MINK1: variants seen among roughly 807,000 people sequenced by gnomAD.
MINK1 encodes the protein misshapen like kinase 1.
MINK1 carries 46 observed loss-of-function variants against 178.4 expected under a neutral mutation model. That is an observed-to-expected ratio of 0.26 (90% CI 0.20 to 0.33). MINK1 has a LOEUF of 0.33. Among genes scored for constraint, MINK1 ranks in the 10% least tolerant of loss-of-function variants. The pLI, the probability that MINK1 is intolerant of heterozygous loss-of-function variation, is 1.00. For missense variants in MINK1, 1,366 were observed against 1,814.9 expected, an observed-to-expected ratio of 0.75 and a Z score of 4.49; for synonymous variants, 797 against 709.7, an observed-to-expected ratio of 1.12 and a Z score of -1.96.
At chr17:4,879,039 G>T (rs950512674) in intron 2 of MINK1, among the ~76,000 whole-genome samples, 3 of 151,662 alleles carry the variant, frequency 2.0e-5, no homozygotes, top group African/African-American at 7.3e-5. Flanking sequence ...TGTGGGAGCC[G>T]CTGCAGCAGG....
rs1969268195 is a variant in MINK1 at position 4,894,776 on chromosome 17, G to A, written c.2917+143G>A. 1 of 685,510 alleles carries A rather than the reference G, an allele frequency of 1.5e-6. No individual in the cohort carries two copies. Among genetic ancestry groups the A allele is most frequent in the Admixed American group, 2.5e-5 (1 of 39,512 alleles). 42.5% of individuals were successfully genotyped at this position (685,510 alleles called of 1,614,324 possible). The stretch of plus-strand genomic sequence containing the variant: ...CCCTAGCACCTGCCTGGGCACAGAG[G>A]CAAGGAAGAGCCTCTGAGACCCCTC... On this transcript the variant is annotated intron_variant, in intron 24 of 31. Coordinates refer to ENST00000355280, the MANE Select transcript of MINK1 (RefSeq NM_153827.5). This position sits in a 1 kb window ranked among gnomAD's most constrained non-coding sequence, Gnocchi z 4.1.
intron 1 of MINK1, among the ~76,000 whole-genome samples, chr17:4,870,056 C>T (rs1040774818): frequency 2.6e-5 from 4 of 151,194 alleles, no homozygotes; most frequent in Non-Finnish European, 4.4e-5. Context: ...TACAGGCACC[C>T]GCCATCATGC....
intron 1 of MINK1, among the ~76,000 whole-genome samples, chr17:4,870,565 CT>C: frequency 1.3e-5 from 2 of 152,016 alleles, no homozygotes; most frequent in African/African-American, 4.8e-5. Context: ...TGGCTCATGC[CT>C]GTAATGCCAG....
intron 1 of MINK1, chr17:4,874,973 A>G: frequency 4.0e-6 from 2 of 494,680 alleles, no homozygotes; most frequent in South Asian, 2.9e-5. Flanking sequence ...TGGCTCTAAC[A>G]GGCCCACGGT....
intron 1 of MINK1, among the ~76,000 whole-genome samples, chr17:4,841,550 G>A (rs1380271571): frequency 6.7e-6 from 1 of 148,308 alleles, no homozygotes; most frequent in Non-Finnish European, 1.5e-5. Context: ...AGCCTTTACT[G>A]ATCACATCAT....
chr17:4,894,674 AG>A lies in MINK1; in HGVS notation c.2917+45del. 6.7e-7 allele frequency: 1 copy of A among 1,493,532 alleles called. No homozygotes were observed. 92.5% of individuals were successfully genotyped at this position (1,493,532 alleles called of 1,614,324 possible). A position where few individuals can be genotyped will look rare whatever the true frequency, so the allele number is the denominator to read the frequency against. Reference sequence around the variant, plus strand: ...CAGACCTGCTGTGAGGCCAGGGTCCAGGGGCAGCCTGGAGGGGAGCACAGTG... The same window carrying A: ...CAGACCTGCTGTGAGGCCAGGGTCCAGGGCAGCCTGGAGGGGAGCACAGTG... On this transcript the variant is annotated intron_variant, in intron 24 of 31. Coordinates refer to ENST00000355280, the MANE Select transcript of MINK1 (RefSeq NM_153827.5). The surrounding 1 kb of genome is among the most constrained non-coding windows in gnomAD (Gnocchi z 4.1).
chr17:4,868,904 C>A, intron 1 of MINK1: 1 of 254,152 alleles, frequency 3.9e-6, no homozygotes, highest in Admixed American at 5.4e-5. Flanking sequence ...TGCACACTGC[C>A]ACACCTGGCT....
chr17:4,891,200 G>GCGCGCACGCACACACA, intron 15 of MINK1, 76 bp downstream of exon 15: 1 of 1,003,382 alleles, frequency 1.0e-6, no homozygotes, highest in Non-Finnish European at 1.4e-6. Context: ...ACACACGCGC[G>GCGCGCACGCACACACA]CACACACACA....
chr17:4,887,285 A>T lies in MINK1; in HGVS notation c.1019+106A>T. 8.2e-7 allele frequency: 1 copy of T among 1,213,740 alleles called. No homozygotes were observed. Among genetic ancestry groups the T allele is most frequent in the Non-Finnish European group, 1.2e-6 (1 of 848,736 alleles). The allele number at this position is 1,213,740 out of a possible 1,614,324, so 75.2% of individuals were successfully genotyped here. ...CTCAGCCTGGGGGTGGTGGGCACAG[A>T]GAGGTAGAGACTCCTGGAAACCAAA... On this transcript the variant is annotated intron_variant, in intron 11 of 31. Coordinates refer to ENST00000355280, the MANE Select transcript of MINK1 (RefSeq NM_153827.5). The surrounding 1 kb of genome is among the most constrained non-coding windows in gnomAD (Gnocchi z 7.6).
intron 1 of MINK1, among the ~76,000 whole-genome samples, chr17:4,870,532 A>G (rs572812717): frequency 6.6e-6 from 1 of 152,290 alleles, no homozygotes; most frequent in East Asian, 1.9e-4. Flanking sequence ...TTACCCTTTT[A>G]AAATATTTTA....
Position 4,896,032 on chromosome 17 carries a change from A to G in MINK1, c.3394A>G (p.Ile1132Val). 1 of 1,604,360 alleles carries G rather than the reference A, an allele frequency of 6.2e-7. No individual in the cohort carries two copies. Among genetic ancestry groups the G allele is most frequent in the Non-Finnish European group, 8.5e-7 (1 of 1,175,422 alleles). ...ATACGAGCGGATTAAGTTCCTGGTCATCGCCCTCAAGAGCTCCGTGGAGGT... is the reference window on the plus strand; with the variant it reads ...ATACGAGCGGATTAAGTTCCTGGTCGTCGCCCTCAAGAGCTCCGTGGAGGT... ...VKYERIKFLV[I>V]ALKSSVEVYA... Residue 1132 changes from isoleucine (I) to valine (V), a missense_variant, in exon 28 of 32, where the codon ATC becomes GTC. Physicochemically the swap from Ile to Val is conservative, Grantham distance 29. This residue lies in a region of MINK1 where 77 missense variants were observed against 119.5 expected (regional missense o/e 0.64). Transcript: ENST00000355280. This position sits in a 1 kb window ranked among gnomAD's most constrained non-coding sequence, Gnocchi z 4.6.
rs1409130897 is a variant in MINK1 at position 4,872,189 on chromosome 17, G to A, written c.58-6128G>A. 3.3e-5 allele frequency among the ~76,000 whole-genome samples: 5 copies of A among 152,168 alleles called. No homozygotes were observed. The South Asian group carries it at 6.2e-4, about 19-fold the overall frequency. On this transcript the variant is annotated intron_variant, in intron 1 of 31. Coordinates refer to ENST00000355280, the MANE Select transcript of MINK1 (RefSeq NM_153827.5). The stretch of plus-strand genomic sequence containing the variant: ...TACTAAAATACAAAAAATTAGCCAA[G>A]TGTGGTGGCAGGCAGCTGTAATCCC...
In MINK1 at chr17:4,896,920, G is replaced by T. The variant is rs576549700; in HGVS notation, c.3915+107G>T. Reference sequence around the variant, plus strand: ...ATGGTGGTGGTGGCTTCCTGAAAGCGGGCCCCTCTGGGAGCTCAGAGGGCA... The same window carrying T: ...ATGGTGGTGGTGGCTTCCTGAAAGCTGGCCCCTCTGGGAGCTCAGAGGGCA... On this transcript the variant is annotated intron_variant, in intron 31 of 31. Transcript: ENST00000355280. The surrounding 1 kb of genome is among the most constrained non-coding windows in gnomAD (Gnocchi z 4.6). The T allele has an allele frequency of 7.1e-7, 1 of 1,408,870 alleles. No individual in the cohort carries two copies. The highest frequency in any genetic ancestry group is 1.4e-5 in the African/African-American group (1 of 69,116). The allele number at this position is 1,408,870 out of a possible 1,614,324, so 87.3% of individuals were successfully genotyped here.
intron 1 of MINK1, among the ~76,000 whole-genome samples, chr17:4,835,563 G>A (rs142149327): frequency 3.3e-5 from 5 of 152,160 alleles, no homozygotes; most frequent in Admixed American, 1.3e-4. Context: ...GGAGGTGGAG[G>A]TTGCAGTGAG....
chr17:4,857,249 C>G (rs890458562), intron 1 of MINK1: 21 of 246,124 alleles, frequency 8.5e-5, no homozygotes, highest in Middle Eastern at 7.2e-4. Flanking sequence ...ACATGACAGA[C>G]ATGGCCATGA....
At chr17:4,891,198 G>GTGCACACACA in intron 15 of MINK1, 74 bp downstream of exon 15, 1 of 1,129,366 alleles carries the variant, frequency 8.9e-7, no homozygotes. Context: ...ACACACACGC[G>GTGCACACACA]CGCACACACA....
chr17:4,895,610 G>A lies in MINK1; in HGVS notation c.3230-88G>A. On this transcript the variant is annotated intron_variant, in intron 26 of 31. Transcript: ENST00000355280. This position sits in a 1 kb window ranked among gnomAD's most constrained non-coding sequence, Gnocchi z 4.3. ...GTGGGGCCACACTTTCTCACCCCTT[G>A]TGGTATGCTGACAGAGGAGGCCAGG... is the stretch of plus-strand genomic sequence containing the variant. 6.4e-7 allele frequency: 1 copy of A among 1,562,980 alleles called. No homozygotes were observed. The highest frequency in any genetic ancestry group is 1.2e-5 in the South Asian group (1 of 84,044).
intron 1 of MINK1, among the ~76,000 whole-genome samples, chr17:4,851,385 C>G (rs1291384523): frequency 6.6e-6 from 1 of 152,146 alleles, no homozygotes; most frequent in Non-Finnish European, 1.5e-5. Flanking sequence ...GCAGTAAACA[C>G]TAAGCACCAT....
chr17:4,887,937 G>C lies in MINK1; in HGVS notation c.1230+147G>C. 1.4e-6 allele frequency: 1 copy of C among 714,908 alleles called. No individual in the cohort carries two copies. The highest frequency in any genetic ancestry group is 2.1e-6 in the Non-Finnish European group (1 of 470,680). The allele number at this position is 714,908 out of a possible 1,614,324, so 44.3% of individuals were successfully genotyped here. A position where few individuals can be genotyped will look rare whatever the true frequency, so the allele number is the denominator to read the frequency against. On this transcript the variant is annotated intron_variant, in intron 12 of 31. Transcript: ENST00000355280. The surrounding 1 kb of genome is among the most constrained non-coding windows in gnomAD (Gnocchi z 7.6). ...ATTATATGATTTCAAATTTCATGAT[G>C]AGCTGGACTTAACACAAAATGTAAT...
Sources: gnomAD v4.1 joint callset for allele counts (sites outside exome capture counted in the v4.1 genomes callset) on GRCh38, gnomAD v4.1.1 for gene constraint, gnomAD v4.1.1 regional missense constraint, Gnocchi (gnomAD v3.1) non-coding constraint, MANE v1.5 for transcripts, NCBI Gene and HGNC (gene_info 2026-07-23, HGNC 2026-07-21) for gene names.